The following ARB2A variants were observed in gnomAD, a reference collection of about 807,000 sequenced individuals.
ARB2A encodes the protein cotranscriptional regulator ARB2A.
At chr5:93,991,053 T>C in the ARB2A span, among the ~76,000 whole-genome samples, 1 of 152,104 alleles carries the variant, frequency 6.6e-6, no homozygotes, top group Non-Finnish European at 1.5e-5. Flanking sequence ...GAATACTAAG[T>C]TGTATATGCA....
chr5:93,966,023 T>C, the ARB2A span, among the ~76,000 whole-genome samples: 4 of 152,182 alleles, frequency 2.6e-5, no homozygotes, highest in East Asian at 1.9e-4. Flanking sequence ...CATTTCAACA[T>C]AGTAGTTAAA....
At chr5:94,103,795 CA>C in the ARB2A span, among the ~76,000 whole-genome samples, 75,438 of 113,326 alleles carry the variant, frequency 0.67, 22,209 homozygotes, top group South Asian at 0.7. Context: ...TCAACAGATT[CA>C]AAAAAAAAAA....
the ARB2A span, among the ~76,000 whole-genome samples, chr5:93,781,075 T>A: frequency 6.6e-6 from 1 of 152,202 alleles, no homozygotes; most frequent in Non-Finnish European, 1.5e-5. Flanking sequence ...ATGGATATAC[T>A]GCATAGTAGT....
chr5:94,039,136 T>A, the ARB2A span, among the ~76,000 whole-genome samples: 1 of 152,224 alleles, frequency 6.6e-6, no homozygotes, highest in Non-Finnish European at 1.5e-5. Flanking sequence ...GAAAGTTACA[T>A]AAGAACTCAC....
chr5:93,661,558 G>A, the ARB2A span, among the ~76,000 whole-genome samples: 1 of 151,788 alleles, frequency 6.6e-6, no homozygotes, highest in African/African-American at 2.4e-5. Context: ...ACCTATCAGG[G>A]GTGTCCAATC....
At chr5:93,701,587 T>C in the ARB2A span, among the ~76,000 whole-genome samples, 1 of 152,246 alleles carries the variant, frequency 6.6e-6, no homozygotes, top group South Asian at 2.1e-4. Flanking sequence ...TGTTTTTTTT[T>C]TTAATTATTT....
At chr5:94,058,014 C>T in the ARB2A span, among the ~76,000 whole-genome samples, 1 of 151,948 alleles carries the variant, frequency 6.6e-6, no homozygotes, top group East Asian at 1.9e-4. Flanking sequence ...ACTATTTATC[C>T]ATACACATAG....
At chr5:93,924,940 TAA>T in the ARB2A span, among the ~76,000 whole-genome samples, 4 of 152,270 alleles carry the variant, frequency 2.6e-5, no homozygotes, top group Admixed American at 6.5e-5. Context: ...GAGTATAAAA[TAA>T]ATGTAGACCT....
the ARB2A span, among the ~76,000 whole-genome samples, chr5:94,036,243 T>C: frequency 6.6e-6 from 1 of 152,296 alleles, no homozygotes; most frequent in Middle Eastern, 3.4e-3. Flanking sequence ...ACATCAAAAT[T>C]TGTATATGGT....
the ARB2A span, among the ~76,000 whole-genome samples, chr5:93,936,283 T>A: frequency 1.3e-5 from 2 of 152,080 alleles, no homozygotes; most frequent in South Asian, 4.1e-4. Context: ...TAAGAAAAAA[T>A]TTTGCCCATT....
chr5:93,810,123 CT>C, the ARB2A span, among the ~76,000 whole-genome samples: 4 of 150,728 alleles, frequency 2.7e-5, no homozygotes, highest in Middle Eastern at 3.5e-3. Flanking sequence ...GGCAAAATTT[CT>C]TTAAATGAAG....
the ARB2A span, among the ~76,000 whole-genome samples, chr5:93,791,370 G>C: frequency 1.3e-5 from 2 of 152,232 alleles, no homozygotes; most frequent in Admixed American, 1.3e-4. Flanking sequence ...CTGGCAAACA[G>C]GTAAGGCTTA....
At chr5:94,030,651 G>T in the ARB2A span, among the ~76,000 whole-genome samples, 1 of 152,174 alleles carries the variant, frequency 6.6e-6, no homozygotes. Flanking sequence ...GCTATGGTTT[G>T]GTTGTAATTT....
At chr5:93,700,071 T>C in the ARB2A span, among the ~76,000 whole-genome samples, 368 of 152,228 alleles carry the variant, frequency 2.4e-3, 1 homozygote, top group African/African-American at 8.5e-3. Flanking sequence ...GGAAGAATAA[T>C]TGTATATTTA....
chr5:93,624,104 G>A, the ARB2A span, among the ~76,000 whole-genome samples: 35 of 152,042 alleles, frequency 2.3e-4, no homozygotes, highest in Non-Finnish European at 4.7e-4. Flanking sequence ...TCACTTTAGG[G>A]GACATTAAGT....
At chr5:93,874,411 T>G in the ARB2A span, among the ~76,000 whole-genome samples, 3 of 152,128 alleles carry the variant, frequency 2.0e-5, no homozygotes, top group African/African-American at 4.8e-5. Flanking sequence ...CCTCACCCAC[T>G]GGTGTCCAGG....
the ARB2A span, among the ~76,000 whole-genome samples, chr5:93,884,320 G>A: frequency 6.8e-3 from 1,036 of 151,494 alleles, 6 homozygotes; most frequent in African/African-American, 8.4e-3. Flanking sequence ...AAAAATTATC[G>A]TGCCTACTTA....
chr5:93,668,838 AAG>A, the ARB2A span, among the ~76,000 whole-genome samples: 1 of 152,126 alleles, frequency 6.6e-6, no homozygotes, highest in Admixed American at 6.5e-5. Flanking sequence ...CAGACCATGA[AAG>A]AGACAATGGA....
At chr5:93,756,318 TA>T in the ARB2A span, among the ~76,000 whole-genome samples, 1 of 152,158 alleles carries the variant, frequency 6.6e-6, no homozygotes, top group African/African-American at 2.4e-5. Context: ...AAAGGACATA[TA>T]ATCTTGGGCG....
Sources: gnomAD v4.1 joint callset for allele counts (sites outside exome capture counted in the v4.1 genomes callset) on GRCh38, gnomAD v4.1.1 for gene constraint, MANE v1.5 for transcripts, NCBI Gene and HGNC (gene_info 2026-07-23, HGNC 2026-07-21) for gene names.